The following FRY variants were observed in gnomAD, a reference collection of about 807,000 sequenced individuals.
FRY encodes the protein protein furry homolog.
A neutral mutation model predicts 348.4 loss-of-function variants in FRY; 128 were observed. The observed-to-expected ratio is 0.37, with a 90% CI of 0.32 to 0.43. The LOEUF (loss-of-function observed/expected upper bound fraction) is 0.43. FRY is among the 20% of genes least tolerant of loss of function. FRY has a pLI of 1.00. For synonymous variants in FRY, 1,370 were observed against 1,374.7 expected (o/e 1.00, Z 0.08); for missense variants, 2,736 against 3,695.2 (o/e 0.74, Z 6.73).
intron 19 of FRY, among the ~76,000 whole-genome samples, chr13:32,174,714 C>A (rs1882276372): frequency 6.6e-6 from 1 of 152,116 alleles, no homozygotes; most frequent in Admixed American, 6.6e-5. Context: ...ATGTTGCTTT[C>A]TTTGACCAGC....
intron 1 of FRY, among the ~76,000 whole-genome samples, chr13:32,058,245 A>G (rs1213215575): frequency 2.0e-5 from 3 of 152,206 alleles, no homozygotes; most frequent in Non-Finnish European, 2.9e-5. Context: ...TCCCCTAATC[A>G]TGAAGGTTAG....
At chr13:32,257,827 C>A in intron 51 of FRY, 2 of 699,170 alleles carry the variant, frequency 2.9e-6, no homozygotes, top group Non-Finnish European at 5.1e-6. Flanking sequence ...TTAAGGTGCA[C>A]CTACTGAAGT....
rs190759748 is a variant in FRY, at chr13:32,089,456, A to G, written c.270+10423A>G. On this transcript the variant is annotated intron_variant, in intron 2 of 60. Transcript: ENST00000542859. The stretch of plus-strand genomic sequence containing the variant: ...AATGTGAACATTCAAGGAAAAGACT[A>G]TGCAGGCCACAGAGAAGGAATGTCT... Among the ~76,000 whole-genome samples the G allele has an allele frequency of 1.5e-3, 222 of 152,252 alleles. 1 individual carries two copies. Among genetic ancestry groups the G allele is most frequent in the Non-Finnish European group, 2.4e-3 (166 of 67,996 alleles).
intron 10 of FRY, 56 bp from the exon 11 acceptor site, chr13:32,136,815 T>A: frequency 1.0e-6 from 1 of 996,494 alleles, no homozygotes; most frequent in Non-Finnish European, 1.6e-6. Flanking sequence ...AGAATGTATG[T>A]TACCTGGTTT....
At chr13:32,167,646 T>C (rs1451329822) in intron 17 of FRY, among the ~76,000 whole-genome samples, 1 of 152,212 alleles carries the variant, frequency 6.6e-6, no homozygotes. Flanking sequence ...AGACACAAAA[T>C]TATGAACACT....
intron 34 of FRY, 86 bp from the exon 35 acceptor site, chr13:32,212,206 T>C: frequency 1.3e-6 from 1 of 763,694 alleles, no homozygotes; most frequent in Non-Finnish European, 2.3e-6. Context: ...TTACAGGAAA[T>C]CTTTCCCTGG....
chr13:32,185,704 A>G (rs917811652), intron 26 of FRY, among the ~76,000 whole-genome samples: 2 of 152,226 alleles, frequency 1.3e-5, no homozygotes, highest in Admixed American at 6.5e-5. Flanking sequence ...GCTATAAAAA[A>G]TTATTCTAAT....
intron 47 of FRY, among the ~76,000 whole-genome samples, chr13:32,246,379 A>G (rs1886800463): frequency 6.6e-6 from 1 of 152,254 alleles, no homozygotes; most frequent in Admixed American, 6.5e-5. Context: ...AGAGAAACGA[A>G]GATGGTAAAA....
intron 34 of FRY, among the ~76,000 whole-genome samples, chr13:32,211,335 A>G (rs778008633): frequency 2.6e-5 from 4 of 152,190 alleles, no homozygotes; most frequent in Non-Finnish European, 4.4e-5. Flanking sequence ...GGCACGCGCC[A>G]GTACTCCCAG....
chr13:32,262,536 T>A, intron 53 of FRY, 61 bp downstream of exon 53: 2 of 1,298,306 alleles, frequency 1.5e-6, no homozygotes, highest in African/African-American at 1.5e-5. Flanking sequence ...AAAAAACACT[T>A]CCAATTTTCT....
rs1593648984 is a variant in FRY at position 32,131,697 on chromosome 13, A to G, written c.742A>G (p.Met248Val). 4 of 1,613,862 alleles carry G rather than the reference A, an allele frequency of 2.5e-6. No homozygotes were observed. The South Asian group carries it at 3.3e-5, about 13-fold the overall frequency. The part of the protein sequence containing the change: ...AKFPAVKKKF[M>V]AELKELRHKE... ...ATTCCCTGCTGTAAAGAAGAAATTTATGGCGGAGCTAAAAGAATTACGGCA... is the reference window on the plus strand; with the variant it reads ...ATTCCCTGCTGTAAAGAAGAAATTTGTGGCGGAGCTAAAAGAATTACGGCA... The change falls in exon 8 of 61, where the codon ATG becomes GTG. Residue 248 changes from methionine (M) to valine (V), a missense_variant. Met to Val is a conservative substitution (Grantham distance 21). Around this residue, in one of 9 missense-constraint regions of FRY, gnomAD observed 309 missense variants for 418.1 expected, o/e 0.74. Coordinates refer to ENST00000542859, the MANE Select transcript of FRY (RefSeq NM_023037.3).
intron 3 of FRY, among the ~76,000 whole-genome samples, chr13:32,106,628 T>C (rs893741614): frequency 2.6e-5 from 4 of 152,184 alleles, no homozygotes; most frequent in Non-Finnish European, 5.9e-5. Flanking sequence ...AAAACAAAAC[T>C]TTCCAACATA....
chr13:32,053,098 G>A (rs1237640549), intron 1 of FRY, among the ~76,000 whole-genome samples: 2 of 151,598 alleles, frequency 1.3e-5, no homozygotes, highest in African/African-American at 2.4e-5. Flanking sequence ...GGAAAACAGA[G>A]CGAGACTCCA....
intron 11 of FRY, among the ~76,000 whole-genome samples, chr13:32,139,305 C>T (rs940518582): frequency 2.0e-5 from 3 of 152,160 alleles, no homozygotes; most frequent in Non-Finnish European, 4.4e-5. Context: ...TAAGTGACCA[C>T]CAAACCAACC....
At chr13:32,085,492 C>T (rs1458416573) in intron 2 of FRY, among the ~76,000 whole-genome samples, 1 of 152,206 alleles carries the variant, frequency 6.6e-6, no homozygotes, top group Non-Finnish European at 1.5e-5. Context: ...CCTGCTTCCA[C>T]CTCTTTAGTG....
chr13:32,242,236 C>G (rs979357882), intron 46 of FRY, among the ~76,000 whole-genome samples: 5 of 152,168 alleles, frequency 3.3e-5, no homozygotes, highest in Non-Finnish European at 7.4e-5. Context: ...TCAAATGACT[C>G]TACATTTCCT....
chr13:32,154,133 T>C (rs1005550449), intron 14 of FRY, among the ~76,000 whole-genome samples: 2 of 152,192 alleles, frequency 1.3e-5, no homozygotes, highest in African/African-American at 4.8e-5. Context: ...ATCTGCTGAA[T>C]TGACCATTTT....
chr13:32,060,052 G>C (rs180780427), intron 1 of FRY, among the ~76,000 whole-genome samples: 110 of 152,218 alleles, frequency 7.2e-4, no homozygotes, highest in African/African-American at 2.6e-3. Context: ...CTTCCATGCT[G>C]TTTTGTAATT....
intron 53 of FRY, among the ~76,000 whole-genome samples, chr13:32,263,673 T>C (rs1025672244): frequency 2.0e-5 from 3 of 152,244 alleles, no homozygotes; most frequent in Admixed American, 6.5e-5. Context: ...TTTCTCCATT[T>C]TTCTATTTTG....
Sources: allele counts gnomAD v4.1 joint callset (sites outside exome capture counted in the v4.1 genomes callset), GRCh38; gene constraint gnomAD v4.1.1; regional missense constraint gnomAD v4.1.1; transcripts MANE v1.5; gene names NCBI Gene and HGNC (gene_info 2026-07-23, HGNC 2026-07-21).